Variants in ECPAS observed in about 807,000 individuals in gnomAD.
ECPAS encodes the protein proteasome adapter and scaffold protein ECM29.
Under a neutral mutation model 255.1 loss-of-function variants are expected in ECPAS, and 70 were observed. The ratio of observed to expected loss-of-function variants is 0.27; its 90% CI spans 0.23 to 0.33. The LOEUF is 0.33. Among genes scored for constraint, ECPAS ranks in the 10% least tolerant of loss-of-function variants. ECPAS has a pLI of 1.00. For missense variants in ECPAS, 1,817 were observed against 2,206.4 expected (o/e 0.82, Z 3.54); for synonymous variants, 784 against 775.0 (o/e 1.01, Z -0.19).
chr9:111,409,489 G>A (rs994982269), intron 23 of ECPAS, among the ~76,000 whole-genome samples: 3 of 151,976 alleles, frequency 2.0e-5, no homozygotes, highest in African/African-American at 7.2e-5. Flanking sequence ...GCCTGAACCT[G>A]GGAGGTGGAG....
intron 6 of ECPAS, among the ~76,000 whole-genome samples, chr9:111,438,611 A>T (rs892456459): frequency 2.6e-5 from 4 of 152,198 alleles, no homozygotes; most frequent in Non-Finnish European, 5.9e-5. Flanking sequence ...AACAAACATC[A>T]TCCTAAACAC....
In ECPAS at chr9:111,392,916, A is replaced by T. The variant is rs756087454; in HGVS notation, c.2978-34T>A. ...AAGTCAGACAAGATTGTATCACTTT[A>T]AAAAAAATTTTGTCTACTTGCTATG... On this transcript the variant is annotated intron_variant, in intron 27 of 49. Coordinates refer to ENST00000684092, the MANE Select transcript of ECPAS (RefSeq NM_001364929.1). 5 of 1,499,502 alleles carry T rather than the reference A, an allele frequency of 3.3e-6. No homozygotes were observed. The South Asian group carries it at 3.6e-5, about 11-fold the overall frequency. The allele number at this position is 1,499,502 out of a possible 1,614,324, so 92.9% of individuals were successfully genotyped here.
intron 43 of ECPAS, 63 bp downstream of exon 43, chr9:111,371,558 C>T (rs1571978): frequency 0.1 from 141,230 of 1,407,972 alleles, 10,068 homozygotes; most frequent in East Asian, 0.31. Flanking sequence ...CAGATCGTTA[C>T]TATTATGCAA....
chr9:111,466,566 G>A (rs1407062852), intron 2 of ECPAS, among the ~76,000 whole-genome samples: 4 of 151,844 alleles, frequency 2.6e-5, no homozygotes, highest in Admixed American at 1.3e-4. Flanking sequence ...TGTTAACTAT[G>A]ACATTCTTGT....
intron 2 of ECPAS, among the ~76,000 whole-genome samples, chr9:111,461,797 C>T (rs889724674): frequency 3.3e-5 from 5 of 152,152 alleles, no homozygotes; most frequent in African/African-American, 1.2e-4. Flanking sequence ...AACTACAGTT[C>T]CATGTGGATA....
At chr9:111,409,586 C>G (rs1254604287) in intron 23 of ECPAS, among the ~76,000 whole-genome samples, 2 of 151,522 alleles carry the variant, frequency 1.3e-5, no homozygotes, top group Non-Finnish European at 2.9e-5. Flanking sequence ...AAGATTATAT[C>G]AATTAAACTT....
intron 2 of ECPAS, among the ~76,000 whole-genome samples, chr9:111,456,242 T>C (rs1201548184): frequency 6.6e-6 from 1 of 152,202 alleles, no homozygotes; most frequent in Non-Finnish European, 1.5e-5. Flanking sequence ...AGAAAATTAA[T>C]TTTGAAGCCT....
At chr9:111,419,593 T>C (rs2098209989) in intron 16 of ECPAS, among the ~76,000 whole-genome samples, 2 of 151,784 alleles carry the variant, frequency 1.3e-5, no homozygotes, top group Non-Finnish European at 2.9e-5. Flanking sequence ...ATATATTAGA[T>C]ATAAAATGAT....
At chr9:111,464,434 GA>G (rs919587017) in intron 2 of ECPAS, among the ~76,000 whole-genome samples, 4,521 of 89,902 alleles carry the variant, frequency 0.05, 217 homozygotes, top group African/African-American at 0.15. Flanking sequence ...TATCTCAAAA[GA>G]AAAAAAAAAA....
At chr9:111,371,521 T>C in intron 43 of ECPAS, 100 bp downstream of exon 43, 1 of 1,100,862 alleles carries the variant, frequency 9.1e-7, no homozygotes, top group South Asian at 1.4e-5. Flanking sequence ...TTCACAAAAA[T>C]AATCCATTGG....
intron 28 of ECPAS, 84 bp downstream of exon 28, chr9:111,392,684 G>C: frequency 1.1e-6 from 1 of 923,084 alleles, no homozygotes; most frequent in Non-Finnish European, 1.6e-6. Flanking sequence ...ATGGAAAGCC[G>C]AATCTTCCTT....
In ECPAS at chr9:111,372,611, T is replaced by A; in HGVS notation, c.4346A>T (p.Tyr1449Phe). 6.2e-7 allele frequency: 1 copy of A among 1,608,260 alleles called. No homozygotes were observed. The highest frequency in any genetic ancestry group is 1.3e-5 in the African/African-American group (1 of 74,844). Residue 1449 changes from tyrosine (Y) to phenylalanine (F), a missense_variant, in exon 42 of 50, where the codon TAC becomes TTC. Physicochemically the swap from Tyr to Phe is conservative, Grantham distance 22. Around this residue, in one of 4 missense-constraint regions of ECPAS, gnomAD observed 960 missense variants for 1,179.0 expected, o/e 0.81. Coordinates refer to ENST00000684092, the MANE Select transcript of ECPAS (RefSeq NM_001364929.1). Reference sequence around the variant, plus strand: ...AATAGTCAAAGCACAAGAGGTCTTGTAGATAGGTTCTGAAAAGGAGAAACC... The same window carrying A: ...AATAGTCAAAGCACAAGAGGTCTTGAAGATAGGTTCTGAAAAGGAGAAACC... ...GWYMEKEEPI[Y>F]KTSCALTIHA...
intron 2 of ECPAS, among the ~76,000 whole-genome samples, chr9:111,468,437 T>C (rs1303705866): frequency 1.3e-5 from 2 of 152,058 alleles, no homozygotes; most frequent in Non-Finnish European, 2.9e-5. Flanking sequence ...AGATACTAAA[T>C]CTTACTAGAC....
rs2098131901 is a variant in ECPAS at position 111,375,138 on chromosome 9, C to G, written c.4085G>C (p.Arg1362Thr). Residue 1362 changes from arginine (R) to threonine (T), a missense_variant, in exon 38 of 50, where the codon AGA becomes ACA. Around this residue, in one of 4 missense-constraint regions of ECPAS, gnomAD observed 960 missense variants for 1,179.0 expected, o/e 0.81. Coordinates refer to ENST00000684092, the MANE Select transcript of ECPAS (RefSeq NM_001364929.1). ...ELVPRLCELI[R>T]SGVGLGTKGG... The stretch of plus-strand genomic sequence containing the variant: ...CTTAGTTCCAAGACCTACACCACTT[C>G]TGATCAGTTCACACAACCTAGGAAC... The G allele has an allele frequency of 6.2e-7, 1 of 1,613,560 alleles. No individual in the cohort carries two copies. Among genetic ancestry groups the G allele is most frequent in the Admixed American group, 1.7e-5 (1 of 59,988 alleles).
intron 39 of ECPAS, 143 bp downstream of exon 39, chr9:111,373,829 T>C: frequency 1.6e-6 from 1 of 627,078 alleles, no homozygotes; most frequent in Non-Finnish European, 2.9e-6. Context: ...GACAAAGAAA[T>C]GAAGGAGTCA....
rs747834121 is a variant in ECPAS, at chr9:111,373,417, TAA to T, written c.4178-13_4178-12del. ...CACTCATAAGTTTACCTACCAGAAA[TAA>T]AGAGAAAAAAATCTGATACTTGGTT... is the stretch of plus-strand genomic sequence containing the variant. On this transcript the variant is annotated splice_polypyrimidine_tract_variant and intron_variant, in intron 39 of 49. Transcript: ENST00000684092. 6.2e-7 allele frequency: 1 copy of T among 1,609,110 alleles called. No homozygotes were observed.
At chr9:111,365,965 G>A (rs1216425750) in intron 48 of ECPAS, 4 of 441,100 alleles carry the variant, frequency 9.1e-6, no homozygotes, top group Admixed American at 3.9e-5. Flanking sequence ...ATGTACTGTC[G>A]TTGCAACCAT....
chr9:111,483,529 G>GGCGGCC, intron 1 of ECPAS: 1 of 978,798 alleles, frequency 1.0e-6, no homozygotes, highest in Non-Finnish European at 1.2e-6. Flanking sequence ...AGGCGGAGGC[G>GGCGGCC]GCGGCCGCAG....
intron 2 of ECPAS, among the ~76,000 whole-genome samples, chr9:111,464,946 G>A (rs1300143518): frequency 2.0e-5 from 3 of 152,150 alleles, no homozygotes. Context: ...CACTTTGGGA[G>A]GCCAAGGCCA....
Sources: allele counts gnomAD v4.1 joint callset (sites outside exome capture counted in the v4.1 genomes callset), GRCh38; gene constraint gnomAD v4.1.1; regional missense constraint gnomAD v4.1.1; transcripts MANE v1.5; gene names NCBI Gene and HGNC (gene_info 2026-07-23, HGNC 2026-07-21).